RBM4: variants seen among roughly 807,000 people sequenced by gnomAD.
The protein encoded by RBM4 is RNA binding motif protein 4.
Under a neutral mutation model 29.5 loss-of-function variants are expected in RBM4, and 7 were observed. The ratio of observed to expected loss-of-function variants is 0.24; its 90% confidence interval spans 0.14 to 0.45. The LOEUF is 0.45. Ranked by LOEUF, RBM4 falls within the 20% of genes least tolerant of loss-of-function variation. RBM4 has a pLI of 1.00. For synonymous variants in RBM4, 220 were observed against 205.4 expected (o/e 1.07, Z -0.61); for missense variants, 387 against 502.3 (o/e 0.77, Z 2.19).
chr11:66,648,812 CAA>C (rs1193172838), downstream of RBM4, among the ~76,000 whole-genome samples: 2 of 148,520 alleles, frequency 1.3e-5, no homozygotes, highest in African/African-American at 5.0e-5. Context: ...AGACTTCTCT[CAA>C]AAAAAAAATT....
At chr11:66,642,094 C>G (rs893480251) in intron 2 of RBM4, among the ~76,000 whole-genome samples, 4 of 152,214 alleles carry the variant, frequency 2.6e-5, no homozygotes, top group Admixed American at 2.6e-4. Flanking sequence ...CATATCTACT[C>G]TCTTTTAATA....
chr11:66,646,476 T>C (rs1272926046), downstream of RBM4: 2 of 997,118 alleles, frequency 2.0e-6, no homozygotes, highest in African/African-American at 1.7e-5. Context: ...TTAGGGTATG[T>C]GTGCTTTGCG....
intron 2 of RBM4, 85 bp downstream of exon 2, chr11:66,640,208 A>G (rs775735948): frequency 1.3e-6 from 2 of 1,561,356 alleles, no homozygotes; most frequent in Admixed American, 1.7e-5. Flanking sequence ...GGTTTGGTAA[A>G]GATAACAGCT....
At chr11:66,645,371 G>T (rs904246414) in intron 3 of RBM4, among the ~76,000 whole-genome samples, 13 of 152,218 alleles carry the variant, frequency 8.5e-5, no homozygotes, top group African/African-American at 3.1e-4. Flanking sequence ...GTGAGTGATA[G>T]ATAACTGTCA....
At chr11:66,657,235 C>G (rs540807921) in intron 2 of RBM4, among the ~76,000 whole-genome samples, 1 of 151,224 alleles carries the variant, frequency 6.6e-6, no homozygotes, top group Non-Finnish European at 1.5e-5. Flanking sequence ...CCATCTCAAC[C>G]TTCCAAGTAG....
At chr11:66,648,195 ACTC>A (rs1477747828), downstream of RBM4, among the ~76,000 whole-genome samples, 6 of 151,676 alleles carry the variant, frequency 4.0e-5, no homozygotes, top group Admixed American at 1.3e-4. Flanking sequence ...AATGAGCAAA[ACTC>A]CTCAAAAAAT....
chr11:66,640,318 G>A (rs1229837238), intron 2 of RBM4, 195 bp downstream of exon 2: 10 of 720,380 alleles, frequency 1.4e-5, no homozygotes, highest in African/African-American at 1.8e-5. Context: ...AATGTCTCCT[G>A]GAGAAAAGCC....
At chr11:66,642,115 T>C (rs1938493188) in intron 2 of RBM4, among the ~76,000 whole-genome samples, 1 of 152,252 alleles carries the variant, frequency 6.6e-6, no homozygotes, top group African/African-American at 2.4e-5. Flanking sequence ...ACCTGCAACC[T>C]AAACTTCCAG....
In RBM4 at chr11:66,665,407, A is replaced by C. The variant is rs1590877359; in HGVS notation, c.413-449A>C. ...GTGAAAGGCTACAGAGACTAGTTTC[A>C]GGAGGAAAGAAAAGTCAACTTAGAA... On this transcript the variant is annotated intron_variant, in intron 2 of 2. Transcript: ENST00000396053. The C allele has an allele frequency of 9.3e-6, 6 of 644,782 alleles. No homozygotes were observed. In the East Asian group the frequency reaches 1.6e-4, roughly 18 times the overall value. 39.9% of individuals were successfully genotyped at this position (644,782 alleles called of 1,614,324 possible). A position where few individuals can be genotyped will look rare whatever the true frequency, so the allele number is the denominator to read the frequency against.
At chr11:66,658,604 T>C (rs1245636901) in intron 2 of RBM4, among the ~76,000 whole-genome samples, 2 of 151,972 alleles carry the variant, frequency 1.3e-5, no homozygotes, top group Non-Finnish European at 2.9e-5. Context: ...GCCAGAGACA[T>C]ATACAGTGCT....
chr11:66,654,439 C>T (rs553257737), intron 2 of RBM4, among the ~76,000 whole-genome samples: 37 of 151,944 alleles, frequency 2.4e-4, no homozygotes, highest in African/African-American at 8.0e-4. Context: ...GAGCTTGCAG[C>T]GAGTCGAGAT....
chr11:66,643,756 C>A lies in RBM4; in HGVS notation c.719C>A (p.Ser240Tyr). 1 of 1,614,072 alleles carries A rather than the reference C, an allele frequency of 6.2e-7. No individual in the cohort carries two copies. The highest frequency in any genetic ancestry group is 8.5e-7 in the Non-Finnish European group (1 of 1,180,010). ...GAGGCAGTGGCAGCTGCAGCTGCCT[C>A]CGTGTATAATTACGCAGAGCAGACC... is the stretch of plus-strand genomic sequence containing the variant. Reference protein sequence around the residue: ...SYEAVAAAAASVYNYAEQTLS... With the variant: ...SYEAVAAAAAYVYNYAEQTLS... Residue 240 changes from serine (S) to tyrosine (Y), a missense_variant, in exon 3 of 4, where the codon TCC becomes TAC. By Grantham distance (144) the Ser-to-Tyr change is moderately radical. Around this residue, in one of 2 missense-constraint regions of RBM4, gnomAD observed 281 missense variants for 288.7 expected, o/e 0.97. Transcript: ENST00000310092. The surrounding 1 kb of genome is among the most constrained non-coding windows in gnomAD (Gnocchi z 6.1).
chr11:66,643,907 AGCAGCCGCTGCTGCTGTTACT>A lies in RBM4; in HGVS notation c.876_896del (p.Ala293_Ala299del), dbSNP rs1938576717. ...CTGCTGCCACAGCTGCTGCTGCAGC[AGCAGCCGCTGCTGCTGTTACT>A]GCAGCTTCCACTTCATATTACGGGC... On this transcript the variant is annotated inframe_deletion, in exon 3 of 4. Coordinates refer to ENST00000310092, the MANE Select transcript of RBM4 (RefSeq NM_002896.4). This position sits in a 1 kb window ranked among gnomAD's most constrained non-coding sequence, Gnocchi z 6.1. The A allele has an allele frequency of 6.2e-7, 1 of 1,608,886 alleles. No individual in the cohort carries two copies. The highest frequency in any genetic ancestry group is 8.5e-7 in the Non-Finnish European group (1 of 1,178,486).
At chr11:66,657,932 C>G (rs1938983243) in intron 2 of RBM4, among the ~76,000 whole-genome samples, 2 of 152,188 alleles carry the variant, frequency 1.3e-5, no homozygotes, top group South Asian at 2.1e-4. Context: ...GTTGCCCAGG[C>G]TGGTCTTGAA....
At chr11:66,653,651 C>T (rs1161951584) in intron 2 of RBM4, among the ~76,000 whole-genome samples, 3 of 152,042 alleles carry the variant, frequency 2.0e-5, no homozygotes, top group South Asian at 2.1e-4. Flanking sequence ...TGTGACCCAC[C>T]GCGCCCAACC....
At chr11:66,649,630 T>G, downstream of RBM4, 1 of 628,180 alleles carries the variant, frequency 1.6e-6, no homozygotes, top group Non-Finnish European at 2.9e-6. Flanking sequence ...TCCAATCAAG[T>G]GTATCTTTGA....
At chr11:66,655,134 C>CA (rs1161235943) in intron 2 of RBM4, among the ~76,000 whole-genome samples, 4 of 151,998 alleles carry the variant, frequency 2.6e-5, no homozygotes, top group African/African-American at 7.3e-5. Context: ...TACAGGCATG[C>CA]ACCACCACGC....
In RBM4 at chr11:66,643,698, T is replaced by G; in HGVS notation, c.661T>G (p.Tyr221Asp). 6.2e-7 allele frequency: 1 copy of G among 1,614,170 alleles called. No homozygotes were observed. Among genetic ancestry groups the G allele is most frequent in the South Asian group, 1.1e-5 (1 of 91,088 alleles). Residue 221 changes from tyrosine to aspartate, a missense_variant, in exon 3 of 4, where the codon TAC (tyrosine) becomes GAC (aspartate). By Grantham distance (160) the Tyr-to-Asp change is radical. Around this residue, in one of 2 missense-constraint regions of RBM4, gnomAD observed 281 missense variants for 288.7 expected, o/e 0.97. Coordinates refer to ENST00000310092, the MANE Select transcript of RBM4 (RefSeq NM_002896.4). The surrounding 1 kb of genome is among the most constrained non-coding windows in gnomAD (Gnocchi z 6.1). ...YNNAYGALDA[Y>D]YKRCRAARSY... ...CAACGCGTACGGAGCGCTCGATGCC[T>G]ACTACAAGCGCTGCCGTGCTGCCCG...
At chr11:66,644,249 A>G in intron 3 of RBM4, 109 bp downstream of exon 3, 1 of 1,430,128 alleles carries the variant, frequency 7.0e-7, no homozygotes, top group Non-Finnish European at 9.3e-7. Flanking sequence ...GGGTTAGGGG[A>G]AGGTTACTAG....
Sources: gnomAD v4.1 joint callset for allele counts (sites outside exome capture counted in the v4.1 genomes callset) on GRCh38, gnomAD v4.1.1 for gene constraint, gnomAD v4.1.1 regional missense constraint, Gnocchi (gnomAD v3.1) non-coding constraint, MANE v1.5 for transcripts, NCBI Gene and HGNC (gene_info 2026-07-23, HGNC 2026-07-21) for gene names.